Variants in RBFOX1 observed in about 807,000 individuals in gnomAD.
RBFOX1 encodes the protein RNA binding fox-1 homolog 1.
In RBFOX1, 8 loss-of-function variants were observed where a neutral mutation model predicts 57.7. The observed-to-expected ratio is 0.14, with a 90% CI of 0.08 to 0.25. The LOEUF (loss-of-function observed/expected upper bound fraction) is 0.25, where lower values mean the gene tolerates loss of function less well. RBFOX1 is among the 10% of genes least tolerant of loss of function. RBFOX1 has a pLI of 1.00. For missense variants in RBFOX1, 611 were observed against 548.5 expected, an observed-to-expected ratio of 1.11 and a Z score of -1.14; for synonymous variants, 326 against 222.4, an observed-to-expected ratio of 1.47 and a Z score of -4.15.
intron 3 of RBFOX1, among the ~76,000 whole-genome samples, chr16:6,934,242 T>G (rs974485650): frequency 1.8e-4 from 27 of 152,154 alleles, no homozygotes; most frequent in African/African-American, 6.3e-4. Context: ...GTAACTTGAG[T>G]CACTGTGAAA....
intron 3 of RBFOX1, among the ~76,000 whole-genome samples, chr16:6,695,432 AAAAAAG>A (rs1568251462): frequency 1.0e-5 from 1 of 99,530 alleles, no homozygotes; most frequent in Non-Finnish European, 2.5e-5. Flanking sequence ...AAAAAAAAAA[AAAAAAG>A]GAAAGGAAGG....
At chr16:7,215,725 A>ATTT (rs56108914) in intron 4 of RBFOX1, among the ~76,000 whole-genome samples, 19,563 of 133,162 alleles carry the variant, frequency 0.15, 2,398 homozygotes, top group African/African-American at 0.3. Context: ...CCTATTCTGG[A>ATTT]TTTTTTTTTT....
intron 4 of RBFOX1, among the ~76,000 whole-genome samples, chr16:7,053,296 C>A (rs111956593): frequency 8.5e-5 from 13 of 152,210 alleles, no homozygotes; most frequent in African/African-American, 2.4e-4. Context: ...CCCTCTCTAC[C>A]CACTTTCCTC....
At chr16:5,283,121 G>A (rs1474435241) in intron 1 of RBFOX1, among the ~76,000 whole-genome samples, 1 of 152,222 alleles carries the variant, frequency 6.6e-6, no homozygotes, top group African/African-American at 2.4e-5. Flanking sequence ...AGCCTTAGCA[G>A]CTTTCACATA....
chr16:7,455,802 GAAAA>G (rs968513368), intron 4 of RBFOX1, among the ~76,000 whole-genome samples: 1 of 121,838 alleles, frequency 8.2e-6, no homozygotes, highest in Admixed American at 8.1e-5. Context: ...AAAAAAAAAA[GAAAA>G]AAAAGAAAAA....
intron 1 of RBFOX1, among the ~76,000 whole-genome samples, chr16:5,289,875 T>C (rs1426915448): frequency 2.6e-5 from 4 of 152,234 alleles, no homozygotes; most frequent in Non-Finnish European, 5.9e-5. Flanking sequence ...TCTACTCCAG[T>C]TTATGAAAGA....
At chr16:6,862,000 C>G (rs1244128810) in intron 3 of RBFOX1, among the ~76,000 whole-genome samples, 1 of 151,966 alleles carries the variant, frequency 6.6e-6, no homozygotes. Context: ...GTGATACAGA[C>G]TGTGGAGTGT....
chr16:6,417,412 CTT>C (rs35363634), intron 2 of RBFOX1, among the ~76,000 whole-genome samples: 2 of 116,152 alleles, frequency 1.7e-5, no homozygotes, highest in Non-Finnish European at 1.7e-5. Context: ...AATGTGTTTA[CTT>C]TTTTTTTTTT....
At chr16:6,209,921 T>A (rs1282444195) in intron 1 of RBFOX1, among the ~76,000 whole-genome samples, 1 of 152,238 alleles carries the variant, frequency 6.6e-6, no homozygotes, top group Non-Finnish European at 1.5e-5. Context: ...CTGCTATTAT[T>A]GGTGACAAGA....
intron 4 of RBFOX1, among the ~76,000 whole-genome samples, chr16:7,381,950 C>G (rs59298339): frequency 0.016 from 2,463 of 152,278 alleles, 76 homozygotes; most frequent in African/African-American, 0.056. Context: ...ACTTGGCTCA[C>G]TGTCCCCTGG....
At chr16:6,141,957 G>A (rs1172032079) in intron 1 of RBFOX1, among the ~76,000 whole-genome samples, 1 of 151,618 alleles carries the variant, frequency 6.6e-6, no homozygotes, top group Non-Finnish European at 1.5e-5. Context: ...TGCTCGGGAG[G>A]CTGAGGCAGA....
chr16:5,549,031 A>T (rs2045347853), intron 2 of RBFOX1, among the ~76,000 whole-genome samples: 1 of 152,230 alleles, frequency 6.6e-6, no homozygotes, highest in Non-Finnish European at 1.5e-5. Context: ...GACAATTCAT[A>T]CTGGCCGCAA....
chr16:6,873,228 A>G (rs964373271), intron 3 of RBFOX1, among the ~76,000 whole-genome samples: 2 of 152,040 alleles, frequency 1.3e-5, no homozygotes, highest in Admixed American at 1.3e-4. Flanking sequence ...TCATTTATGT[A>G]AATAAACGTA....
chr16:6,112,872 T>G (rs1313674788), intron 1 of RBFOX1, among the ~76,000 whole-genome samples: 4 of 152,088 alleles, frequency 2.6e-5, no homozygotes, highest in Non-Finnish European at 5.9e-5. Flanking sequence ...AGAGGGGAGT[T>G]GGAAAGTGTT....
At chr16:7,229,070 C>T (rs2093328399) in intron 4 of RBFOX1, among the ~76,000 whole-genome samples, 1 of 149,700 alleles carries the variant, frequency 6.7e-6, no homozygotes, top group African/African-American at 2.6e-5. Context: ...GGTTAATAGA[C>T]TCAAGGAGAA....
At chr16:7,091,760 T>A (rs990071372) in intron 4 of RBFOX1, among the ~76,000 whole-genome samples, 30 of 152,228 alleles carry the variant, frequency 2.0e-4, no homozygotes, top group African/African-American at 6.3e-4. Context: ...CTTTCCTGAA[T>A]GCTAAAGCTT....
At chr16:6,887,463 C>G (rs368437570) in intron 3 of RBFOX1, among the ~76,000 whole-genome samples, 1 of 152,098 alleles carries the variant, frequency 6.6e-6, no homozygotes, top group Non-Finnish European at 1.5e-5. Flanking sequence ...TTCTAAACTT[C>G]GCATCATGTT....
chr16:6,760,421 A>G (rs1364171887), intron 3 of RBFOX1, among the ~76,000 whole-genome samples: 1 of 152,246 alleles, frequency 6.6e-6, no homozygotes. Context: ...CTCTTACAAG[A>G]AGTGATACTT....
At chr16:6,527,899 C>T (rs9925410) in intron 2 of RBFOX1, among the ~76,000 whole-genome samples, 5,595 of 152,126 alleles carry the variant, frequency 0.037, 369 homozygotes, top group African/African-American at 0.13. Flanking sequence ...CCCTCAGTCA[C>T]GATTCCATGC....
Sources: allele counts gnomAD v4.1 joint callset (sites outside exome capture counted in the v4.1 genomes callset), GRCh38; gene constraint gnomAD v4.1.1; transcripts MANE v1.5; gene names NCBI Gene and HGNC (gene_info 2026-07-23, HGNC 2026-07-21).